The following PRRG2 variants were observed in gnomAD, a reference collection of about 807,000 sequenced individuals.
The protein encoded by PRRG2 is transmembrane gamma-carboxyglutamic acid protein 2.
A neutral mutation model predicts 27.1 loss-of-function variants in PRRG2; 23 were observed. That is an observed-to-expected ratio of 0.85 (90% CI 0.61 to 1.20). PRRG2 has a LOEUF of 1.20. Ranked by LOEUF, PRRG2 falls within the 50% of genes most tolerant of loss-of-function variation. The pLI, the probability that PRRG2 is intolerant of heterozygous loss-of-function variation, is 0.00. For synonymous variants in PRRG2, 104 were observed against 103.4 expected, an observed-to-expected ratio of 1.01 and a Z score of -0.03; for missense variants, 276 against 254.8, an observed-to-expected ratio of 1.08 and a Z score of -0.57.
chr19:49,589,903 C>T lies in PRRG2; in HGVS notation c.441C>T (p.Ala147=), dbSNP rs1460661174. ...HRGQQPCPQE[A]GLISPLSPLN... ...ACTGTACCTTTGCTGTCCCCAGGGC[C>T]GGGCTCATTAGCCCTCTGAGTCCTT... The change falls in exon 6 of 7, where the codon GCC becomes GCT. Residue 147 remains alanine, a synonymous_variant. Coordinates refer to ENST00000246794, the MANE Select transcript of PRRG2 (RefSeq NM_000951.3). 7 of 1,613,252 alleles carry T rather than the reference C, an allele frequency of 4.3e-6. 1 individual carries two copies. The South Asian group carries it at 6.6e-5, about 15-fold the overall frequency.
At position 49,590,024 on chromosome 19, in the gene PRRG2, C is replaced by T. The variant is rs1433187451; in HGVS notation, c.562C>T (p.His188Tyr). 1 of 1,514,678 alleles carries T rather than the reference C, an allele frequency of 6.6e-7. No homozygotes were observed. The highest frequency in any genetic ancestry group is 8.8e-7 in the Non-Finnish European group (1 of 1,134,362). The allele number at this position is 1,514,678 out of a possible 1,614,324, so 93.8% of individuals were successfully genotyped here. ...GCAGGCGCTGGCAGCCTCTGGGGTACACGACGCACCTCCACCCCCCTACAC... is the reference window on the plus strand; with the variant it reads ...GCAGGCGCTGGCAGCCTCTGGGGTATACGACGCACCTCCACCCCCCTACAC... ...YEQALAASGVHDAPPPPYTSL... is the reference protein window; with the variant it reads ...YEQALAASGVYDAPPPPYTSL... Residue 188 changes from histidine (H) to tyrosine (Y), a missense_variant, in exon 6 of 7, where the codon CAC becomes TAC. Coordinates refer to ENST00000246794, the MANE Select transcript of PRRG2 (RefSeq NM_000951.3).
At position 49,583,937 on chromosome 19, in the gene PRRG2, T is replaced by C. The variant is rs2080649074; in HGVS notation, c.286T>C (p.Tyr96His). The change falls in exon 4 of 7, where the codon TAC becomes CAC. Residue 96 changes from tyrosine (Y) to histidine (H), a missense_variant. Tyr to His is a moderately conservative substitution (Grantham distance 83). Coordinates refer to ENST00000246794, the MANE Select transcript of PRRG2 (RefSeq NM_000951.3). ...GGAGCGCTTTTGGGAGAGCTACATCTACAATGGCAAAGGAGGTGAGTGAGG... is the reference window on the plus strand; with the variant it reads ...GGAGCGCTTTTGGGAGAGCTACATCCACAATGGCAAAGGAGGTGAGTGAGG... ...LTERFWESYIYNGKGGRGRVD... is the reference protein window; with the variant it reads ...LTERFWESYIHNGKGGRGRVD... The C allele has an allele frequency of 4.3e-6, 7 of 1,613,730 alleles. No individual in the cohort carries two copies. Among genetic ancestry groups the C allele is most frequent in the Non-Finnish European group, 5.9e-6 (7 of 1,179,814 alleles).
chr19:49,588,245 G>A (rs1312011210), intron 4 of PRRG2, among the ~76,000 whole-genome samples: 2 of 152,242 alleles, frequency 1.3e-5, no homozygotes, highest in East Asian at 3.8e-4. Context: ...TTACAGGCAT[G>A]AGCCACTACA....
chr19:49,588,433 AT>A, intron 4 of PRRG2, 63 bp from the exon 5 acceptor site: 1 of 1,536,796 alleles, frequency 6.5e-7, no homozygotes. Flanking sequence ...GTGGGAAGGA[AT>A]TTTGATGTTG....
rs146312829 is a variant in PRRG2, at chr19:49,583,625, C to T, written c.169C>T (p.Leu57=). The change falls in exon 3 of 7, where the codon CTG becomes TTG. Residue 57 remains leucine, a synonymous_variant. Transcript: ENST00000246794. ...IPRANHWDLE[L]LTPGNLEREC... Reference sequence around the variant, plus strand: ...AAGAGCCAACCACTGGGACCTGGAGCTGCTCACACCAGGGAACCTGGAACG... The same window carrying T: ...AAGAGCCAACCACTGGGACCTGGAGTTGCTCACACCAGGGAACCTGGAACG... 92 of 1,614,214 alleles carry T rather than the reference C, an allele frequency of 5.7e-5. No homozygotes were observed. Among genetic ancestry groups the T allele is most frequent in the Middle Eastern group, 3.3e-4 (2 of 6,062 alleles).
At chr19:49,582,365 T>G (rs1433981615) in intron 1 of PRRG2, among the ~76,000 whole-genome samples, 1 of 151,516 alleles carries the variant, frequency 6.6e-6, no homozygotes, top group African/African-American at 2.4e-5. Context: ...AACCTCTGTC[T>G]CCCCTTTCAA....
At chr19:49,583,111 T>C (rs1167851974) in intron 1 of PRRG2, 96 bp from the exon 2 acceptor site, 2 of 905,202 alleles carry the variant, frequency 2.2e-6, no homozygotes, top group Non-Finnish European at 3.5e-6. Context: ...TGGCTGCTAT[T>C]ATTGCCATTC....
intron 1 of PRRG2, among the ~76,000 whole-genome samples, chr19:49,581,917 A>C (rs930925193): frequency 3.9e-5 from 6 of 151,998 alleles, no homozygotes; most frequent in Non-Finnish European, 7.4e-5. Context: ...TCTGTGCCTC[A>C]GTTTCCTGTT....
In PRRG2 at chr19:49,583,729, G is replaced by A. The variant is rs777733518; in HGVS notation, c.261+12G>A. ...ACAACACTCTCACGGTGAGGGCCTC[G>A]AGACCCTGGAGTTTCGGGCCCTCTC... On this transcript the variant is annotated intron_variant, in intron 3 of 6. Transcript: ENST00000246794. The A allele has an allele frequency of 1.4e-5, 23 of 1,612,794 alleles. No homozygotes were observed. The highest frequency in any genetic ancestry group is 2.2e-5 in the East Asian group (1 of 44,868).
chr19:49,580,670 G>A (rs768998032), upstream of PRRG2: 1 of 152,178 alleles, frequency 6.6e-6, no homozygotes, highest in Non-Finnish European at 1.5e-5. Context: ...CGCCTGGCTT[G>A]CTCAAGTCCT....
chr19:49,590,159 G>C, intron 6 of PRRG2, 107 bp downstream of exon 6: 1 of 1,399,832 alleles, frequency 7.1e-7, no homozygotes, highest in Non-Finnish European at 9.5e-7. Flanking sequence ...TTCTTACCTG[G>C]GGCGGGGCTT....
At chr19:49,586,849 C>T (rs2080674285) in intron 4 of PRRG2, among the ~76,000 whole-genome samples, 1 of 151,940 alleles carries the variant, frequency 6.6e-6, no homozygotes, top group Non-Finnish European at 1.5e-5. Context: ...GACTCCGTCT[C>T]AAAACAAAAC....
intron 4 of PRRG2, among the ~76,000 whole-genome samples, chr19:49,584,927 A>AT (rs1248612201): frequency 6.6e-6 from 1 of 152,124 alleles, no homozygotes; most frequent in Non-Finnish European, 1.5e-5. Flanking sequence ...CGGCAGCTTG[A>AT]TTGCTGGGGA....
At position 49,590,692 on chromosome 19, in the gene PRRG2, A is replaced by G; in HGVS notation, c.*303A>G. ...ACGCGCGGGGAAATTCGGACCCAGG[A>G]GCCCAGCCCCGGCTGTGCCATCTTG... is the stretch of plus-strand genomic sequence containing the variant. On this transcript the variant is annotated 3_prime_UTR_variant, in exon 7 of 7. Coordinates refer to ENST00000246794, the MANE Select transcript of PRRG2 (RefSeq NM_000951.3). 1 of 491,904 alleles carries G rather than the reference A, an allele frequency of 2.0e-6. No individual in the cohort carries two copies. Among genetic ancestry groups the G allele is most frequent in the East Asian group, 3.7e-5 (1 of 27,032 alleles). The allele number at this position is 491,904 out of a possible 1,614,324, so 30.5% of individuals were successfully genotyped here. A position where few individuals can be genotyped will look rare whatever the true frequency, so the allele number is the denominator to read the frequency against.
At chr19:49,586,602 C>G (rs1443252626) in intron 4 of PRRG2, among the ~76,000 whole-genome samples, 3 of 152,072 alleles carry the variant, frequency 2.0e-5, no homozygotes, top group African/African-American at 7.2e-5. Flanking sequence ...CCTGTAATCC[C>G]AGCACTTTGG....
upstream of PRRG2, chr19:49,581,282 C>G (rs1186424770): frequency 1.3e-5 from 2 of 152,158 alleles, no homozygotes; most frequent in Non-Finnish European, 2.9e-5. Context: ...TACTTTGTCC[C>G]TTACCTGAGT....
In PRRG2 at chr19:49,590,788, G is replaced by A; in HGVS notation, c.*399G>A. The A allele has an allele frequency of 3.6e-6, 1 of 275,572 alleles. No homozygotes were observed. 17.1% of individuals were successfully genotyped at this position (275,572 alleles called of 1,614,324 possible). A position where few individuals can be genotyped will look rare whatever the true frequency, so the allele number is the denominator to read the frequency against. ...TACGCACACGCAGAGCCCCGCCTGT[G>A]CACACGCGTGTCTTCGTGCACTCCC... is the stretch of plus-strand genomic sequence containing the variant. On this transcript the variant is annotated 3_prime_UTR_variant, in exon 7 of 7. Transcript: ENST00000246794.
Position 49,583,710 on chromosome 19 carries a change from C to G in PRRG2, c.254C>G (p.Thr85Ser). ...EEAREYFEDN[T>S]LTERFWESYI... ...GCCAGGGAGTATTTTGAGGACAACA[C>G]TCTCACGGTGAGGGCCTCGAGACCC... The change falls in exon 3 of 7, where the codon ACT (threonine) becomes AGT (serine). Residue 85 changes from threonine (T) to serine (S), a missense_variant. Physicochemically the swap from Thr to Ser is moderately conservative, Grantham distance 58. Transcript: ENST00000246794. 1 of 1,613,900 alleles carries G rather than the reference C, an allele frequency of 6.2e-7. No homozygotes were observed. The highest frequency in any genetic ancestry group is 8.5e-7 in the Non-Finnish European group (1 of 1,179,880).
upstream of PRRG2, among the ~76,000 whole-genome samples, chr19:49,580,938 C>CA (rs1354984352): frequency 6.6e-6 from 1 of 152,102 alleles, no homozygotes; most frequent in Non-Finnish European, 1.5e-5. Context: ...TGAGAAGAGA[C>CA]AACTACGCTC....
Sources: allele counts gnomAD v4.1 joint callset (sites outside exome capture counted in the v4.1 genomes callset), GRCh38; gene constraint gnomAD v4.1.1; transcripts MANE v1.5; gene names NCBI Gene and HGNC (gene_info 2026-07-23, HGNC 2026-07-21).